The following ANXA4 variants were observed in gnomAD, a reference collection of about 807,000 sequenced individuals.
ANXA4 encodes the protein annexin A4, also known as 35-beta calcimedin.
Under a neutral mutation model 49.8 loss-of-function variants are expected in ANXA4, and 39 were observed. The observed-to-expected ratio is 0.78, with a 90% CI of 0.61 to 1.02. The LOEUF is 1.02. ANXA4 is among the 50% of genes least tolerant of loss of function. ANXA4 has a pLI of 0.00. For missense variants in ANXA4, 360 were observed against 410.1 expected (o/e 0.88, Z 1.05); for synonymous variants, 134 against 152.5 (o/e 0.88, Z 0.89).
chr2:69,696,589 T>C (rs1678167182), intron 2 of ANXA4, among the ~76,000 whole-genome samples: 1 of 152,238 alleles, frequency 6.6e-6, no homozygotes. Context: ...AGGTTTTCAA[T>C]TTACTTTGCC....
intron 3 of ANXA4, among the ~76,000 whole-genome samples, chr2:69,724,532 A>T (rs1190019561): frequency 6.6e-6 from 1 of 152,154 alleles, no homozygotes; most frequent in African/African-American, 2.4e-5. Flanking sequence ...GGGGAGATTT[A>T]GTGTCTGACT....
intron 2 of ANXA4, chr2:69,674,417 G>C (rs1367492580): frequency 6.6e-6 from 1 of 152,154 alleles, no homozygotes; most frequent in African/African-American, 2.4e-5. Flanking sequence ...TGTTCAGAAA[G>C]TCATCTGCGC....
At chr2:69,723,417 G>T (rs1178809817) in intron 3 of ANXA4, among the ~76,000 whole-genome samples, 2 of 152,130 alleles carry the variant, frequency 1.3e-5, no homozygotes, top group South Asian at 2.1e-4. Flanking sequence ...TGTGGACTAG[G>T]GGAGGAGAGC....
chr2:69,804,772 G>A, intron 4 of ANXA4, 145 bp downstream of exon 4: 1 of 736,628 alleles, frequency 1.4e-6, no homozygotes, highest in Non-Finnish European at 2.2e-6. Flanking sequence ...GAGGCCAGGT[G>A]TGGTGGGTCA....
chr2:69,816,254 C>A, intron 9 of ANXA4, 60 bp downstream of exon 9: 3 of 1,412,526 alleles, frequency 2.1e-6, no homozygotes, highest in Non-Finnish European at 3.0e-6. Context: ...AACTATATTG[C>A]CCATAAGTAG....
At chr2:69,685,728 A>G (rs1677762964) in intron 2 of ANXA4, among the ~76,000 whole-genome samples, 1 of 152,254 alleles carries the variant, frequency 6.6e-6, no homozygotes, top group African/African-American at 2.4e-5. Context: ...AACGGTAACT[A>G]AGAGCCTTAA....
intron 1 of ANXA4, among the ~76,000 whole-genome samples, chr2:69,743,995 G>A (rs569806525): frequency 1.3e-5 from 2 of 152,110 alleles, no homozygotes; most frequent in Non-Finnish European, 2.9e-5. Context: ...TTTATTATCT[G>A]CTTTTAGACT....
At chr2:69,695,053 A>G (rs1678116155) in intron 2 of ANXA4, among the ~76,000 whole-genome samples, 1 of 152,012 alleles carries the variant, frequency 6.6e-6, no homozygotes. Flanking sequence ...GAGAGGTGGG[A>G]GTATCACTTG....
At chr2:69,804,359 A>G (rs1193310905) in intron 3 of ANXA4, among the ~76,000 whole-genome samples, 174 bp from the exon 4 acceptor site, 1 of 152,202 alleles carries the variant, frequency 6.6e-6, no homozygotes, top group Admixed American at 6.5e-5. Flanking sequence ...AGGAGAGGCT[A>G]AGTCCCGAAC....
intron 2 of ANXA4, among the ~76,000 whole-genome samples, chr2:69,679,386 G>A (rs556530031): frequency 2.0e-5 from 3 of 152,186 alleles, no homozygotes; most frequent in Non-Finnish European, 4.4e-5. Flanking sequence ...TGAGTTCCTT[G>A]TATAATCTGG....
At chr2:69,803,628 A>G (rs1196859509) in intron 3 of ANXA4, 1 of 152,244 alleles carries the variant, frequency 6.6e-6, no homozygotes, top group Non-Finnish European at 1.5e-5. Context: ...TGTGTTCAGG[A>G]AAGATAGCTT....
intron 2 of ANXA4, among the ~76,000 whole-genome samples, chr2:69,687,413 CAA>C (rs1378202248): frequency 2.0e-5 from 3 of 151,024 alleles, no homozygotes; most frequent in African/African-American, 7.3e-5. Flanking sequence ...GAGGCTGAGA[CAA>C]GAGAATCACT....
intron 1 of ANXA4, among the ~76,000 whole-genome samples, chr2:69,779,435 TAC>T (rs1672109517): frequency 6.6e-6 from 1 of 152,102 alleles, no homozygotes; most frequent in South Asian, 2.1e-4. Context: ...TGAGTAAATC[TAC>T]ACAGTCCATG....
chr2:69,686,551 C>T (rs1677794266), intron 2 of ANXA4, among the ~76,000 whole-genome samples: 1 of 152,222 alleles, frequency 6.6e-6, no homozygotes, highest in Admixed American at 6.5e-5. Flanking sequence ...CTCCCAGGCT[C>T]AAGCGCTCCT....
At chr2:69,679,531 G>A (rs747048300) in intron 2 of ANXA4, among the ~76,000 whole-genome samples, 2 of 151,968 alleles carry the variant, frequency 1.3e-5, no homozygotes, top group African/African-American at 4.8e-5. Flanking sequence ...GCTTATTTTT[G>A]TGGGGGTTTT....
chr2:69,748,102 G>A (rs1311230138), intron 1 of ANXA4, among the ~76,000 whole-genome samples: 7 of 152,084 alleles, frequency 4.6e-5, no homozygotes, highest in African/African-American at 7.2e-5. Flanking sequence ...CAAGCCAGGC[G>A]CGGTGGCTCA....
At chr2:69,773,491 A>G (rs1157903082) in intron 1 of ANXA4, among the ~76,000 whole-genome samples, 1 of 152,168 alleles carries the variant, frequency 6.6e-6, no homozygotes, top group East Asian at 1.9e-4. Context: ...ATGACATGAA[A>G]CAGGGCCTCC....
Position 69,771,208 on chromosome 2 carries a change from T to C in ANXA4, c.-46-10312T>C, listed in dbSNP as rs114003418. Among the ~76,000 whole-genome samples the C allele has an allele frequency of 3.9e-3, 597 of 151,478 alleles. 1 individual carries two copies. Among genetic ancestry groups the C allele is most frequent in the African/African-American group, 0.014 (558 of 41,234 alleles). ...TGATTTGGGAAGCCAAACTCTAGCC[T>C]AAAAGGTGCTTGGCAACCATGGAAC... On this transcript the variant is annotated intron_variant, in intron 1 of 12. Coordinates refer to ENST00000394295, the MANE Select transcript of ANXA4 (RefSeq NM_001153.5).
At chr2:69,808,104 T>G (rs1673527498) in intron 6 of ANXA4, 108 bp downstream of exon 6, 2 of 1,029,854 alleles carry the variant, frequency 1.9e-6, no homozygotes, top group African/African-American at 3.1e-5. Flanking sequence ...ACGCTGAGCA[T>G]GAGGGATCCT....
Sources: allele counts gnomAD v4.1 joint callset (sites outside exome capture counted in the v4.1 genomes callset), GRCh38; gene constraint gnomAD v4.1.1; transcripts MANE v1.5; gene names NCBI Gene and HGNC (gene_info 2026-07-23, HGNC 2026-07-21).